Variants in PDE4D observed in about 807,000 individuals in gnomAD.
PDE4D encodes the protein 3',5'-cyclic-AMP phosphodiesterase 4D.
In PDE4D, 24 loss-of-function variants were observed where a neutral mutation model predicts 87.4. The observed-to-expected ratio is 0.27, with a 90% CI of 0.20 to 0.39. The LOEUF (loss-of-function observed/expected upper bound fraction) is 0.39, where lower values mean the gene tolerates loss of function less well. Ranked by LOEUF, PDE4D falls within the 10% of genes least tolerant of loss-of-function variation. The pLI is 1.00. For synonymous variants in PDE4D, 384 were observed against 383.2 expected, an observed-to-expected ratio of 1.00 and a Z score of -0.02; for missense variants, 714 against 1,041.0, an observed-to-expected ratio of 0.69 and a Z score of 4.32.
intron 1 of PDE4D, among the ~76,000 whole-genome samples, chr5:59,643,652 A>G (rs1490305421): frequency 6.6e-6 from 1 of 152,250 alleles, no homozygotes; most frequent in East Asian, 1.9e-4. Flanking sequence ...ATATTACTCA[A>G]ATTAGCTCTT....
chr5:59,951,698 G>C (rs1296039023), intron 3 of PDE4D, among the ~76,000 whole-genome samples: 1 of 152,138 alleles, frequency 6.6e-6, no homozygotes, highest in Non-Finnish European at 1.5e-5. Flanking sequence ...ATGTAACCTA[G>C]ATTTAGTAGG....
chr5:60,027,671 A>G (rs1766784413), intron 2 of PDE4D, among the ~76,000 whole-genome samples: 1 of 152,202 alleles, frequency 6.6e-6, no homozygotes, highest in African/African-American at 2.4e-5. Flanking sequence ...GCATATCCCC[A>G]GGGCCTGGAA....
chr5:59,395,089 GA>G (rs1429264897), intron 1 of PDE4D, among the ~76,000 whole-genome samples: 1 of 152,114 alleles, frequency 6.6e-6, no homozygotes, highest in Non-Finnish European at 1.5e-5. Flanking sequence ...CTACCCCACG[GA>G]GTCTCGCTGA....
At chr5:60,416,698 A>G (rs1228695810) in intron 1 of PDE4D, among the ~76,000 whole-genome samples, 2 of 152,248 alleles carry the variant, frequency 1.3e-5, no homozygotes, top group African/African-American at 4.8e-5. Flanking sequence ...TCTTGAAGTC[A>G]GTGAGACCAA....
intron 2 of PDE4D, among the ~76,000 whole-genome samples, chr5:60,004,873 C>T (rs1764326211): frequency 6.6e-6 from 1 of 152,010 alleles, no homozygotes; most frequent in Non-Finnish European, 1.5e-5. Context: ...ATTGGTAACT[C>T]CATTATGGAA....
intron 1 of PDE4D, among the ~76,000 whole-genome samples, chr5:59,267,112 T>A (rs940748917): frequency 3.9e-5 from 6 of 152,044 alleles, no homozygotes; most frequent in African/African-American, 1.4e-4. Flanking sequence ...TAGCTGGTGA[T>A]CTAGCTGCCA....
At chr5:59,608,961 G>A (rs541666723) in intron 1 of PDE4D, among the ~76,000 whole-genome samples, 1 of 152,240 alleles carries the variant, frequency 6.6e-6, no homozygotes, top group Non-Finnish European at 1.5e-5. Context: ...GCCCTATAGA[G>A]AGGCCCACAT....
intron 5 of PDE4D, among the ~76,000 whole-genome samples, chr5:59,076,703 CT>C (rs1320509542): frequency 6.6e-6 from 1 of 152,074 alleles, no homozygotes; most frequent in Non-Finnish European, 1.5e-5. Context: ...AATGCCTTGC[CT>C]TAAAAATGTC....
chr5:60,176,529 G>A (rs781162474), intron 2 of PDE4D, among the ~76,000 whole-genome samples: 7 of 152,084 alleles, frequency 4.6e-5, no homozygotes, highest in African/African-American at 9.7e-5. Context: ...TTATAGAAAT[G>A]ATAAGGGTTT....
intron 1 of PDE4D, among the ~76,000 whole-genome samples, chr5:59,350,637 C>T (rs1408882940): frequency 6.6e-5 from 10 of 152,112 alleles, no homozygotes; most frequent in Admixed American, 4.6e-4. Flanking sequence ...ACTGGCCATA[C>T]AAAGGTGGAA....
chr5:59,790,825 A>T (rs1483065503), intron 1 of PDE4D, among the ~76,000 whole-genome samples: 1 of 152,058 alleles, frequency 6.6e-6, no homozygotes, highest in African/African-American at 2.4e-5. Flanking sequence ...ATCACGAAAA[A>T]CTTCCTGTCT....
At chr5:59,273,471 C>T (rs544324562) in intron 1 of PDE4D, among the ~76,000 whole-genome samples, 52 of 151,814 alleles carry the variant, frequency 3.4e-4, no homozygotes, top group Admixed American at 1.6e-3. Flanking sequence ...GACTGATAGA[C>T]GGATAATAAA....
At chr5:59,932,094 G>A (rs1055776544) in intron 3 of PDE4D, among the ~76,000 whole-genome samples, 1 of 152,164 alleles carries the variant, frequency 6.6e-6, no homozygotes, top group African/African-American at 2.4e-5. Context: ...ACTCTAAACA[G>A]CATTAAAAGG....
chr5:60,514,733 A>T (rs1675003922), intron 1 of PDE4D, among the ~76,000 whole-genome samples: 1 of 152,042 alleles, frequency 6.6e-6, no homozygotes, highest in Non-Finnish European at 1.5e-5. Context: ...ACCACAAAAA[A>T]AATAACTCAA....
At chr5:59,767,674 G>C (rs1288675241) in intron 1 of PDE4D, among the ~76,000 whole-genome samples, 1 of 152,178 alleles carries the variant, frequency 6.6e-6, no homozygotes. Context: ...GCAACTTTCT[G>C]CGTAGAATTC....
chr5:60,462,431 T>C (rs187008206), intron 1 of PDE4D, among the ~76,000 whole-genome samples: 1 of 152,112 alleles, frequency 6.6e-6, no homozygotes, highest in East Asian at 1.9e-4. Flanking sequence ...AGAGAAGGAA[T>C]AGGTTGTGGA....
intron 2 of PDE4D, among the ~76,000 whole-genome samples, chr5:60,077,641 C>T (rs1224228118): frequency 1.3e-5 from 2 of 152,166 alleles, no homozygotes; most frequent in East Asian, 1.9e-4. Flanking sequence ...CCTAGGGCTA[C>T]AGTCTCCTAT....
At chr5:60,194,469 T>G (rs1740973703) in intron 1 of PDE4D, among the ~76,000 whole-genome samples, 1 of 151,688 alleles carries the variant, frequency 6.6e-6, no homozygotes, top group Non-Finnish European at 1.5e-5. Context: ...TTTATCAGCA[T>G]TTCCCAAACA....
chr5:59,122,245 G>A (rs1031278634), intron 5 of PDE4D, among the ~76,000 whole-genome samples: 7 of 151,152 alleles, frequency 4.6e-5, no homozygotes, highest in African/African-American at 1.2e-4. Context: ...GAATAAAATC[G>A]TCATTTACAG....
Sources: allele counts gnomAD v4.1 joint callset (sites outside exome capture counted in the v4.1 genomes callset), GRCh38; gene constraint gnomAD v4.1.1; transcripts MANE v1.5; gene names NCBI Gene and HGNC (gene_info 2026-07-23, HGNC 2026-07-21).